Variants in RUNDC3B observed in about 807,000 individuals in gnomAD.
The protein encoded by RUNDC3B is RUN domain-containing protein 3B.
In RUNDC3B, 33 loss-of-function variants were observed where a neutral mutation model predicts 58.4. The observed-to-expected ratio is 0.56, with a 90% CI of 0.43 to 0.75. RUNDC3B has a LOEUF of 0.75. RUNDC3B is among the 30% of genes least tolerant of loss of function. RUNDC3B has a pLI of 0.00. For synonymous variants in RUNDC3B, 193 were observed against 195.2 expected (o/e 0.99, Z 0.10); for missense variants, 501 against 535.7 (o/e 0.94, Z 0.64).
At chr7:87,817,939 AG>A (rs1373631041) in intron 10 of RUNDC3B, among the ~76,000 whole-genome samples, 1 of 152,230 alleles carries the variant, frequency 6.6e-6, no homozygotes, top group Non-Finnish European at 1.5e-5. Context: ...TTTAACTAGC[AG>A]GCTTAGGCAG....
intron 1 of RUNDC3B, among the ~76,000 whole-genome samples, chr7:87,643,366 T>G (rs1338023005): frequency 6.6e-6 from 1 of 152,188 alleles, no homozygotes; most frequent in Non-Finnish European, 1.5e-5. Flanking sequence ...ACAAAAACAT[T>G]TAACTAGTTG....
chr7:87,648,728 A>T (rs1350862231), intron 1 of RUNDC3B, among the ~76,000 whole-genome samples: 1 of 152,158 alleles, frequency 6.6e-6, no homozygotes, highest in Non-Finnish European at 1.5e-5. Flanking sequence ...GTTGTAAGAA[A>T]GTTTTTAATG....
Position 87,628,720 on chromosome 7 carries a change from T to G in RUNDC3B, c.-104T>G. Reference sequence around the variant, plus strand: ...CCCTCCAGGCTCCTTTCCTACATCCTTCCCGCGCCCCCACGGTTGCGGACC... The same window carrying G: ...CCCTCCAGGCTCCTTTCCTACATCCGTCCCGCGCCCCCACGGTTGCGGACC... On this transcript the variant is annotated 5_prime_UTR_variant, in exon 1 of 11. Coordinates refer to ENST00000394654, the MANE Select transcript of RUNDC3B (RefSeq NM_001134405.2). 1.5e-6 allele frequency: 1 copy of G among 681,104 alleles called. No homozygotes were observed. The highest frequency in any genetic ancestry group is 2.1e-6 in the Non-Finnish European group (1 of 480,930). The allele number at this position is 681,104 out of a possible 1,614,324, so 42.2% of individuals were successfully genotyped here.
At chr7:87,690,948 G>GA (rs1360646444) in intron 2 of RUNDC3B, among the ~76,000 whole-genome samples, 2 of 151,646 alleles carry the variant, frequency 1.3e-5, no homozygotes, top group Admixed American at 6.6e-5. Flanking sequence ...GAGAGAGAGA[G>GA]AAAATAGAAT....
chr7:87,667,777 T>C (rs548557579), intron 2 of RUNDC3B, among the ~76,000 whole-genome samples: 1 of 152,308 alleles, frequency 6.6e-6, no homozygotes, highest in Admixed American at 6.5e-5. Context: ...GTTTATGTGA[T>C]GAATCATGTT....
At chr7:87,654,776 A>T (rs1334383200) in intron 2 of RUNDC3B, among the ~76,000 whole-genome samples, 1 of 152,114 alleles carries the variant, frequency 6.6e-6, no homozygotes, top group Non-Finnish European at 1.5e-5. Flanking sequence ...ACAATTTACA[A>T]AAAGGGAAGA....
chr7:87,684,614 A>G (rs947610186), intron 2 of RUNDC3B, among the ~76,000 whole-genome samples: 2 of 151,866 alleles, frequency 1.3e-5, no homozygotes, highest in Admixed American at 1.3e-4. Flanking sequence ...TGGGCATGGT[A>G]GCACGTGCCT....
intron 6 of RUNDC3B, among the ~76,000 whole-genome samples, chr7:87,764,768 T>C (rs978050572): frequency 1.3e-5 from 2 of 151,942 alleles, no homozygotes; most frequent in Non-Finnish European, 2.9e-5. Context: ...ACCATGTATA[T>C]ATACACCACA....
At chr7:87,634,627 CAAAA>C (rs1158146732) in intron 1 of RUNDC3B, among the ~76,000 whole-genome samples, 2 of 118,892 alleles carry the variant, frequency 1.7e-5, no homozygotes, top group Non-Finnish European at 3.5e-5. Flanking sequence ...ACTCTTGTCT[CAAAA>C]AAAAAAGAAA....
chr7:87,740,850 G>A (rs539614457), intron 5 of RUNDC3B, among the ~76,000 whole-genome samples: 12 of 152,150 alleles, frequency 7.9e-5, no homozygotes, highest in Admixed American at 3.3e-4. Context: ...TTTATATCAC[G>A]TCACTAGCTC....
intron 3 of RUNDC3B, among the ~76,000 whole-genome samples, chr7:87,703,152 A>C (rs531001828): frequency 2.0e-5 from 3 of 152,282 alleles, no homozygotes; most frequent in Non-Finnish European, 4.4e-5. Flanking sequence ...ACGATTATAG[A>C]ATTATAAATT....
At chr7:87,674,615 G>T (rs1009405640) in intron 2 of RUNDC3B, among the ~76,000 whole-genome samples, 7 of 152,082 alleles carry the variant, frequency 4.6e-5, no homozygotes, top group Non-Finnish European at 1.0e-4. Flanking sequence ...CTGCCTTGGG[G>T]GTAAGCTGTG....
intron 8 of RUNDC3B, among the ~76,000 whole-genome samples, chr7:87,795,942 A>G (rs1835795474): frequency 6.6e-6 from 1 of 152,156 alleles, no homozygotes; most frequent in African/African-American, 2.4e-5. Context: ...TGATCCAGCA[A>G]TCCCACCCCT....
intron 2 of RUNDC3B, among the ~76,000 whole-genome samples, chr7:87,685,864 A>G (rs866643909): frequency 6.6e-6 from 1 of 152,332 alleles, no homozygotes; most frequent in African/African-American, 2.4e-5. Context: ...ACATTTTAAA[A>G]TGGGGAGGAT....
intron 2 of RUNDC3B, among the ~76,000 whole-genome samples, chr7:87,655,343 G>C (rs190769218): frequency 9.9e-5 from 15 of 151,808 alleles, no homozygotes; most frequent in Admixed American, 2.6e-4. Context: ...CTGATGAGTC[G>C]ATAAAAAAAA....
Position 87,684,746 on chromosome 7 carries a change from CAAAAAAAAAAAAA to C in RUNDC3B, c.239-15660_239-15648del, listed in dbSNP as rs71524694. Among the ~76,000 whole-genome samples, 155 of 37,806 alleles carry C rather than the reference CAAAAAAAAAAAAA, an allele frequency of 4.1e-3. 1 individual carries two copies. The highest frequency in any genetic ancestry group is 0.024 in the Middle Eastern group (1 of 42). The allele number at this position is 37,806 out of a possible 152,430, so 24.8% of individuals were successfully genotyped here. On this transcript the variant is annotated intron_variant, in intron 2 of 10. Coordinates refer to ENST00000394654, the MANE Select transcript of RUNDC3B (RefSeq NM_001134405.2). ...CTGGTGACAGAGTGAGACTCCGTCT[CAAAAAAAAAAAAA>C]AAAAAAAAAAAAAAGAATAGAATAG...
At chr7:87,697,756 A>G (rs375504253) in intron 2 of RUNDC3B, among the ~76,000 whole-genome samples, 1 of 152,218 alleles carries the variant, frequency 6.6e-6, no homozygotes, top group East Asian at 1.9e-4. Flanking sequence ...CAACAGTACT[A>G]TCCAGTAGGT....
chr7:87,713,507 AGG>A (rs1440678351), intron 4 of RUNDC3B, among the ~76,000 whole-genome samples: 1 of 152,160 alleles, frequency 6.6e-6, no homozygotes, highest in African/African-American at 2.4e-5. Flanking sequence ...GCTAAGGTGT[AGG>A]ACGTCTTAAT....
intron 6 of RUNDC3B, among the ~76,000 whole-genome samples, chr7:87,760,544 A>C (rs1833620101): frequency 6.6e-6 from 1 of 152,072 alleles, no homozygotes; most frequent in South Asian, 2.1e-4. Context: ...TGAAATACAA[A>C]ATCAGAGGAC....
Sources: gnomAD v4.1 joint callset for allele counts (sites outside exome capture counted in the v4.1 genomes callset) on GRCh38, gnomAD v4.1.1 for gene constraint, MANE v1.5 for transcripts, NCBI Gene and HGNC (gene_info 2026-07-23, HGNC 2026-07-21) for gene names.